The following MYO16 variants were observed in gnomAD, a reference collection of about 807,000 sequenced individuals.
MYO16 encodes the protein myosin XVI.
MYO16 carries 94 observed loss-of-function variants against 205.3 expected under a neutral mutation model. That is an observed-to-expected ratio of 0.46 (90% CI 0.39 to 0.54). The LOEUF (loss-of-function observed/expected upper bound fraction) is 0.54, where lower values mean the gene tolerates loss of function less well. MYO16 is among the 20% of genes least tolerant of loss of function. The pLI, the probability that MYO16 is intolerant of heterozygous loss-of-function variation, is 0.00. For synonymous variants in MYO16, 988 were observed against 954.0 expected (o/e 1.04, Z -0.66); for missense variants, 2,315 against 2,387.5 (o/e 0.97, Z 0.63).
chr13:109,178,457 G>A (rs1455215764), intron 33 of MYO16, among the ~76,000 whole-genome samples: 1 of 152,212 alleles, frequency 6.6e-6, no homozygotes, highest in Non-Finnish European at 1.5e-5. Context: ...AGCGTGCACT[G>A]ATTGTCTAAT....
rs745505150 is a variant in MYO16, at chr13:109,055,384, C to T, written c.3130-6C>T. 4 of 1,604,520 alleles carry T rather than the reference C, an allele frequency of 2.5e-6. No homozygotes were observed. The highest frequency in any genetic ancestry group is 3.4e-6 in the Non-Finnish European group (4 of 1,173,496). ...AGAATCAGTTGGGTTCTACTTCTCT[C>T]CTTAGAAATCACTAATGGATATTAT... On this transcript the variant is annotated splice_polypyrimidine_tract_variant and splice_region_variant and intron_variant, in intron 26 of 34. Transcript: ENST00000457511. The surrounding 1 kb of genome is among the most constrained non-coding windows in gnomAD (Gnocchi z 5.0).
At chr13:109,122,630 A>G (rs1285401727) in intron 29 of MYO16, among the ~76,000 whole-genome samples, 1 of 151,328 alleles carries the variant, frequency 6.6e-6, no homozygotes, top group Non-Finnish European at 1.5e-5. Context: ...GTGAGCCAAG[A>G]TCGTGGAGAT....
intron 24 of MYO16, among the ~76,000 whole-genome samples, chr13:109,048,045 G>C (rs996145693): frequency 6.6e-6 from 1 of 151,704 alleles, no homozygotes; most frequent in African/African-American, 2.4e-5. Flanking sequence ...GCTATTATTT[G>C]CACTTTTATT....
At chr13:108,564,359 C>T in the MYO16 span, among the ~76,000 whole-genome samples, 6 of 152,026 alleles carry the variant, frequency 3.9e-5, no homozygotes, top group South Asian at 2.1e-4. Context: ...TTAGTAGAGA[C>T]GCGGTTTCGC....
chr13:108,863,119 T>C (rs1225673780), intron 11 of MYO16, among the ~76,000 whole-genome samples: 1 of 152,170 alleles, frequency 6.6e-6, no homozygotes, highest in Non-Finnish European at 1.5e-5. Flanking sequence ...AACAGTCCAT[T>C]GGTTTTCTGC....
intron 21 of MYO16, among the ~76,000 whole-genome samples, chr13:108,999,732 A>G (rs550927639): frequency 6.9e-4 from 105 of 152,314 alleles, no homozygotes; most frequent in Non-Finnish European, 1.1e-3. Flanking sequence ...TAAATAATTT[A>G]AGTAGCTCAT....
At chr13:108,775,293 C>CAGA (rs1886089975) in intron 4 of MYO16, among the ~76,000 whole-genome samples, 1 of 151,942 alleles carries the variant, frequency 6.6e-6, no homozygotes, top group Non-Finnish European at 1.5e-5. Flanking sequence ...AGTCTTTCTT[C>CAGA]AGAGGAATGA....
At chr13:108,520,410 G>C in the MYO16 span, among the ~76,000 whole-genome samples, 1 of 152,054 alleles carries the variant, frequency 6.6e-6, no homozygotes, top group Non-Finnish European at 1.5e-5. Flanking sequence ...TGTGATTAAA[G>C]ATATAATCAG....
At chr13:108,500,380 C>T in the MYO16 span, among the ~76,000 whole-genome samples, 1 of 151,720 alleles carries the variant, frequency 6.6e-6, no homozygotes, top group Non-Finnish European at 1.5e-5. Flanking sequence ...CAGGCGCCTG[C>T]CACCACGCCC....
At chr13:108,822,787 C>T (rs1876050897) in intron 8 of MYO16, among the ~76,000 whole-genome samples, 1 of 152,142 alleles carries the variant, frequency 6.6e-6, no homozygotes, top group Middle Eastern at 3.4e-3. Flanking sequence ...GGTTCATAGT[C>T]GCCAAGATGC....
At chr13:108,579,896 T>C in the MYO16 span, among the ~76,000 whole-genome samples, 1 of 152,220 alleles carries the variant, frequency 6.6e-6, no homozygotes, top group South Asian at 2.1e-4. Context: ...AAACTGCTAT[T>C]ACAATGACTG....
At chr13:109,039,941 CAA>C in intron 23 of MYO16, among the ~76,000 whole-genome samples, 2 of 151,844 alleles carry the variant, frequency 1.3e-5, no homozygotes, top group Non-Finnish European at 2.9e-5. Context: ...ATATGAGTGA[CAA>C]AGAGAAAATA....
At chr13:108,592,293 A>T (rs1468948303), upstream of MYO16, among the ~76,000 whole-genome samples, 3 of 25,266 alleles carry the variant, frequency 1.2e-4, no homozygotes, top group Non-Finnish European at 1.4e-4. Flanking sequence ...CTGTGTGTGG[A>T]GTGTGTCCGG....
At chr13:109,044,691 C>A (rs909362929) in intron 23 of MYO16, among the ~76,000 whole-genome samples, 1 of 152,062 alleles carries the variant, frequency 6.6e-6, no homozygotes, top group South Asian at 2.1e-4. Flanking sequence ...AGAGATTACC[C>A]ACACTATTTG....
Position 108,621,368 on chromosome 13 carries a change from C to A in MYO16, c.-39+25129C>A, listed in dbSNP as rs112718860. ...TTTTGCTCTCTGCAGTTTCAGTTAACCACCGCCAACTGCAGTCTGAAATAT... is the reference window on the plus strand; with the variant it reads ...TTTTGCTCTCTGCAGTTTCAGTTAAACACCGCCAACTGCAGTCTGAAATAT... On this transcript the variant is annotated intron_variant, in intron 1 of 24. Coordinates refer to the MYO16 transcript ENST00000251041. 3.9e-4 allele frequency among the ~76,000 whole-genome samples: 60 copies of A among 152,224 alleles called. 1 individual carries two copies. Among genetic ancestry groups the A allele is most frequent in the African/African-American group, 1.4e-3 (57 of 41,540 alleles).
chr13:109,176,972 G>T (rs757057330), intron 33 of MYO16, among the ~76,000 whole-genome samples: 1 of 152,150 alleles, frequency 6.6e-6, no homozygotes, highest in East Asian at 1.9e-4. Context: ...AGATAAAATG[G>T]TGTCACTTCT....
chr13:108,760,054 T>C (rs1021041281), intron 4 of MYO16, among the ~76,000 whole-genome samples: 2 of 152,206 alleles, frequency 1.3e-5, no homozygotes, highest in African/African-American at 4.8e-5. Flanking sequence ...TATCTTTTAT[T>C]GTGTGGGGGA....
chr13:108,913,259 G>A (rs910917391), intron 16 of MYO16, among the ~76,000 whole-genome samples: 22 of 152,180 alleles, frequency 1.4e-4, no homozygotes, highest in African/African-American at 5.3e-4. Context: ...CCAGATTCAT[G>A]AATACATCAG....
At chr13:108,625,298 A>G (rs563151577), upstream of MYO16, among the ~76,000 whole-genome samples, 4 of 152,190 alleles carry the variant, frequency 2.6e-5, no homozygotes, top group Admixed American at 2.0e-4. Flanking sequence ...CAACCTCCAC[A>G]GTCACTAGAC....
Sources: allele counts gnomAD v4.1 joint callset (sites outside exome capture counted in the v4.1 genomes callset), GRCh38; gene constraint gnomAD v4.1.1; non-coding constraint Gnocchi (gnomAD v3.1); transcripts MANE v1.5; gene names NCBI Gene and HGNC (gene_info 2026-07-23, HGNC 2026-07-21).